Variants in DGKI observed in about 807,000 individuals in gnomAD.
DGKI encodes diacylglycerol kinase iota, also known as DAG kinase iota.
A neutral mutation model predicts 147.5 loss-of-function variants in DGKI; 55 were observed. That is an observed-to-expected ratio of 0.37 (90% CI 0.30 to 0.47). The LOEUF (loss-of-function observed/expected upper bound fraction) is 0.47, where lower values mean the gene tolerates loss of function less well. Among genes scored for constraint, DGKI ranks in the 20% least tolerant of loss-of-function variants. DGKI has a pLI of 1.00. For missense variants in DGKI, 1,007 were observed against 1,323.8 expected, an observed-to-expected ratio of 0.76 and a Z score of 3.71; for synonymous variants, 469 against 477.1, an observed-to-expected ratio of 0.98 and a Z score of 0.22.
chr7:137,821,774 T>C (rs1585533976), intron 1 of DGKI, among the ~76,000 whole-genome samples: 1 of 151,724 alleles, frequency 6.6e-6, no homozygotes, highest in Non-Finnish European at 1.5e-5. Context: ...ATCCAGAAAT[T>C]AAATGTGTTA....
intron 27 of DGKI, among the ~76,000 whole-genome samples, chr7:137,445,784 T>G (rs929571938): frequency 6.6e-6 from 1 of 152,000 alleles, no homozygotes; most frequent in Non-Finnish European, 1.5e-5. Context: ...TGCCTGAAGC[T>G]CCAATTGGTT....
Position 137,505,218 on chromosome 7 carries a change from A to G in DGKI, c.2248+16648T>C, listed in dbSNP as rs555966745. 2.4e-3 allele frequency among the ~76,000 whole-genome samples: 361 copies of G among 152,276 alleles called. 1 individual carries two copies. Among genetic ancestry groups the G allele is most frequent in the African/African-American group, 8.3e-3 (347 of 41,562 alleles). ...ATTTCTGAAAAAAGAAAAGAAAAGAAAAGACTGAGGCCACAGGACAGAAGG... is the reference window on the plus strand; with the variant it reads ...ATTTCTGAAAAAAGAAAAGAAAAGAGAAGACTGAGGCCACAGGACAGAAGG... On this transcript the variant is annotated intron_variant, in intron 21 of 32. Coordinates refer to ENST00000614521, the MANE Select transcript of DGKI (RefSeq NM_001321708.2).
intron 30 of DGKI, among the ~76,000 whole-genome samples, chr7:137,401,213 C>A (rs902223675): frequency 6.6e-6 from 1 of 151,832 alleles, no homozygotes; most frequent in Non-Finnish European, 1.5e-5. Flanking sequence ...GGAAACGAGA[C>A]AAAAGGAGAA....
chr7:137,553,267 TA>T (rs1205701868), intron 19 of DGKI, among the ~76,000 whole-genome samples: 1 of 152,362 alleles, frequency 6.6e-6, no homozygotes, highest in African/African-American at 2.4e-5. Context: ...AAATTGTATT[TA>T]TCCAATACTT....
At chr7:137,674,162 G>A (rs56344821) in intron 3 of DGKI, among the ~76,000 whole-genome samples, 3,850 of 152,196 alleles carry the variant, frequency 0.025, 154 homozygotes, top group African/African-American at 0.088. Context: ...GGGAACTGTT[G>A]CCAATTTGGG....
intron 6 of DGKI, among the ~76,000 whole-genome samples, chr7:137,637,060 G>A (rs186966398): frequency 5.7e-4 from 87 of 152,282 alleles, no homozygotes; most frequent in Non-Finnish European, 9.1e-4. Flanking sequence ...ATCGGCCAAG[G>A]ACAGCCCTCG....
rs1795137847 is a variant in DGKI, at chr7:137,740,226, A to G, written c.402-50224T>C. ...ACATTCTTGGGAATAAGTTTAAAGT[A>G]TCTTGGTTTATCAATTCTGGAGGAA... On this transcript the variant is annotated intron_variant, in intron 1 of 32. Transcript: ENST00000614521. 3.3e-5 allele frequency among the ~76,000 whole-genome samples: 5 copies of G among 152,200 alleles called. No homozygotes were observed. In the South Asian group the frequency reaches 1.0e-3, roughly 32 times the overall value.
intron 1 of DGKI, among the ~76,000 whole-genome samples, chr7:137,778,207 G>A (rs1237341473): frequency 6.6e-6 from 1 of 152,152 alleles, no homozygotes; most frequent in Non-Finnish European, 1.5e-5. Flanking sequence ...TGAAGAACTA[G>A]GAGTTAGCCC....
intron 1 of DGKI, chr7:137,722,105 G>A: frequency 6.3e-7 from 1 of 1,598,558 alleles, no homozygotes; most frequent in Non-Finnish European, 8.5e-7. Context: ...CCCAAGAAGG[G>A]GAAGCCCCAT....
intron 19 of DGKI, among the ~76,000 whole-genome samples, chr7:137,569,601 C>T (rs574570442): frequency 3.9e-4 from 59 of 150,878 alleles, no homozygotes; most frequent in Middle Eastern, 3.4e-3. Flanking sequence ...TGGTGGTGGG[C>T]GCCTGTAGTC....
intron 3 of DGKI, among the ~76,000 whole-genome samples, chr7:137,657,354 T>C (rs780679176): frequency 2.6e-5 from 4 of 152,224 alleles, no homozygotes; most frequent in Non-Finnish European, 5.9e-5. Flanking sequence ...CTCATGCTTA[T>C]AAGCATTACA....
Position 137,585,201 on chromosome 7 carries a change from T to C in DGKI, c.1563+8A>G, listed in dbSNP as rs747584400. 6 of 1,613,870 alleles carry C rather than the reference T, an allele frequency of 3.7e-6. No homozygotes were observed. Among genetic ancestry groups the C allele is most frequent in the Non-Finnish European group, 5.1e-6 (6 of 1,179,854 alleles). Reference sequence around the variant, plus strand: ...GGCTCCTTTCTGCAGAACAAAAAACTCTCTAACCTTACATACGCCATCTTC... The same window carrying C: ...GGCTCCTTTCTGCAGAACAAAAAACCCTCTAACCTTACATACGCCATCTTC... On this transcript the variant is annotated splice_region_variant and intron_variant, in intron 14 of 32. Transcript: ENST00000614521.
intron 23 of DGKI, among the ~76,000 whole-genome samples, chr7:137,475,139 T>A (rs1033879913): frequency 2.6e-5 from 4 of 152,168 alleles, no homozygotes; most frequent in Non-Finnish European, 4.4e-5. Context: ...TCAGACCAGA[T>A]CATTTAGATG....
At chr7:137,828,726 G>A (rs1478918168) in intron 1 of DGKI, among the ~76,000 whole-genome samples, 2 of 152,176 alleles carry the variant, frequency 1.3e-5, no homozygotes, top group African/African-American at 4.8e-5. Flanking sequence ...CTTTTGCTCT[G>A]TCCTTGAAGC....
At chr7:137,842,600 G>A (rs894583309) in intron 1 of DGKI, among the ~76,000 whole-genome samples, 4 of 152,100 alleles carry the variant, frequency 2.6e-5, no homozygotes, top group Non-Finnish European at 5.9e-5. Flanking sequence ...AAGAGGTACC[G>A]ATGGGCCAGC....
At chr7:137,815,192 C>T (rs556234079) in intron 1 of DGKI, among the ~76,000 whole-genome samples, 12 of 152,242 alleles carry the variant, frequency 7.9e-5, no homozygotes, top group Middle Eastern at 3.4e-3. Flanking sequence ...ATTCATCCCC[C>T]CTCCTTCGTC....
At chr7:137,668,987 T>C (rs139341212) in intron 3 of DGKI, among the ~76,000 whole-genome samples, 1 of 152,320 alleles carries the variant, frequency 6.6e-6, no homozygotes, top group Non-Finnish European at 1.5e-5. Context: ...ATGCATTAAC[T>C]CTTTTAATTT....
intron 11 of DGKI, among the ~76,000 whole-genome samples, chr7:137,598,406 G>A (rs1481221064): frequency 2.6e-5 from 4 of 152,002 alleles, no homozygotes; most frequent in African/African-American, 4.8e-5. Context: ...AGCGAGACGG[G>A]GAGGCTTCCG....
Position 137,638,589 on chromosome 7 carries a change from T to C in DGKI, c.804+6883A>G, listed in dbSNP as rs13307827. Among the ~76,000 whole-genome samples the C allele has an allele frequency of 1.1e-3, 15 of 13,904 alleles. 2 individuals carry two copies. The highest frequency in any genetic ancestry group is 2.5e-3 in the East Asian group (1 of 408). 9.1% of individuals were successfully genotyped at this position (13,904 alleles called of 152,430 possible). On this transcript the variant is annotated intron_variant, in intron 6 of 32. Coordinates refer to ENST00000614521, the MANE Select transcript of DGKI (RefSeq NM_001321708.2). ...ACACACATATATGTATATATACACA[T>C]ATATACATATATGTATATATATACA...
Sources: gnomAD v4.1 joint callset for allele counts (sites outside exome capture counted in the v4.1 genomes callset) on GRCh38, gnomAD v4.1.1 for gene constraint, MANE v1.5 for transcripts, NCBI Gene and HGNC (gene_info 2026-07-23, HGNC 2026-07-21) for gene names.